Variants in TENM2 observed in about 807,000 individuals in gnomAD.
The protein encoded by TENM2 is teneurin transmembrane protein 2.
A neutral mutation model predicts 245.2 loss-of-function variants in TENM2; 52 were observed. The ratio of observed to expected loss-of-function variants is 0.21; its 90% CI spans 0.17 to 0.27. The LOEUF (loss-of-function observed/expected upper bound fraction) is 0.27. Among genes scored for constraint, TENM2 ranks in the 10% least tolerant of loss-of-function variants. The pLI is 1.00. For missense variants in TENM2, 3,046 were observed against 3,666.8 expected, an observed-to-expected ratio of 0.83 and a Z score of 4.37; for synonymous variants, 1,363 against 1,438.9, an observed-to-expected ratio of 0.95 and a Z score of 1.19.
intron 2 of TENM2, among the ~76,000 whole-genome samples, chr5:167,418,847 C>T (rs1050800605): frequency 3.9e-5 from 6 of 151,942 alleles, no homozygotes; most frequent in East Asian, 1.9e-4. Flanking sequence ...GGTTGAGGTG[C>T]GGGAATTACA....
chr5:167,420,962 C>T (rs192218939), intron 2 of TENM2, among the ~76,000 whole-genome samples: 51 of 152,186 alleles, frequency 3.4e-4, no homozygotes, highest in East Asian at 5.8e-4. Flanking sequence ...ATAGTAAAAA[C>T]GTGGACACAT....
chr5:167,562,329 A>G (rs890970165), intron 2 of TENM2, among the ~76,000 whole-genome samples: 4 of 152,180 alleles, frequency 2.6e-5, no homozygotes, highest in African/African-American at 7.2e-5. Context: ...CCCTAACAAT[A>G]GAGTTTGCAT....
At chr5:167,998,270 G>C (rs1014466597) in intron 5 of TENM2, among the ~76,000 whole-genome samples, 1 of 152,194 alleles carries the variant, frequency 6.6e-6, no homozygotes, top group Non-Finnish European at 1.5e-5. Context: ...CTCAGTTTCT[G>C]ATGCCTTCGT....
intron 13 of TENM2, among the ~76,000 whole-genome samples, chr5:168,171,861 A>AGC (rs1434777307): frequency 6.6e-6 from 1 of 152,228 alleles, no homozygotes; most frequent in Non-Finnish European, 1.5e-5. Flanking sequence ...TGATATTGAT[A>AGC]GCGTTATGTT....
chr5:167,407,803 T>G (rs1762713209), intron 2 of TENM2, among the ~76,000 whole-genome samples: 1 of 152,114 alleles, frequency 6.6e-6, no homozygotes. Context: ...GGCAGCAGAC[T>G]GAGACTCTGT....
the TENM2 span, among the ~76,000 whole-genome samples, chr5:167,039,414 A>G: frequency 6.6e-6 from 1 of 152,020 alleles, no homozygotes; most frequent in Non-Finnish European, 1.5e-5. Flanking sequence ...TCGAAGGCGC[A>G]CTGGCCAGGA....
chr5:167,860,276 C>T (rs1771644821), intron 2 of TENM2, among the ~76,000 whole-genome samples: 1 of 127,920 alleles, frequency 7.8e-6, no homozygotes, highest in Admixed American at 7.2e-5. Context: ...GCCGCCCCGT[C>T]CGGGAGGTGA....
At chr5:167,818,942 G>A (rs554463505) in intron 2 of TENM2, among the ~76,000 whole-genome samples, 1 of 152,214 alleles carries the variant, frequency 6.6e-6, no homozygotes, top group Admixed American at 6.5e-5. Context: ...AGCATTCTGG[G>A]CCTAGGGAAC....
chr5:167,135,580 T>C, the TENM2 span, among the ~76,000 whole-genome samples: 1 of 151,990 alleles, frequency 6.6e-6, no homozygotes, highest in Non-Finnish European at 1.5e-5. Flanking sequence ...ATCGAGACCA[T>C]CCTGGCTAAC....
chr5:167,620,452 G>C (rs1020348123), intron 2 of TENM2, among the ~76,000 whole-genome samples: 27 of 150,684 alleles, frequency 1.8e-4, no homozygotes, highest in Non-Finnish European at 3.8e-4. Context: ...TTTTTAACTT[G>C]TGAATAGGTT....
At chr5:167,637,353 A>T (rs1779269942) in intron 2 of TENM2, among the ~76,000 whole-genome samples, 1 of 152,176 alleles carries the variant, frequency 6.6e-6, no homozygotes, top group African/African-American at 2.4e-5. Context: ...AATTCAAGTA[A>T]GAAAATGCAT....
At position 167,539,620 on chromosome 5, in the gene TENM2, A is replaced by G. The variant is rs56017321; in HGVS notation, c.502+164147A>G. On this transcript the variant is annotated intron_variant, in intron 2 of 28. Transcript: ENST00000518659. ...TTACGGGAAGATGAGACCTAGGTTT[A>G]AAAAGTAGGACTGGTTGATCAAGCA... Among the ~76,000 whole-genome samples, 925 of 152,326 alleles carry G rather than the reference A, an allele frequency of 6.1e-3. 12 individuals carry two copies. The highest frequency in any genetic ancestry group is 0.019 in the African/African-American group (787 of 41,592).
At chr5:168,127,414 T>C (rs146231913) in intron 12 of TENM2, among the ~76,000 whole-genome samples, 1 of 152,300 alleles carries the variant, frequency 6.6e-6, no homozygotes, top group Non-Finnish European at 1.5e-5. Flanking sequence ...GTTCCCTCCG[T>C]AGCAGGTACC....
chr5:167,695,208 A>G (rs1757682237), intron 2 of TENM2, among the ~76,000 whole-genome samples: 1 of 152,186 alleles, frequency 6.6e-6, no homozygotes, highest in Non-Finnish European at 1.5e-5. Flanking sequence ...GGGGTAGGCA[A>G]ACTTTATCTG....
intron 12 of TENM2, among the ~76,000 whole-genome samples, chr5:168,160,308 G>A (rs750166983): frequency 8.5e-5 from 13 of 152,186 alleles, no homozygotes; most frequent in Non-Finnish European, 1.6e-4. Flanking sequence ...TCCACACACC[G>A]TCTCACGGTA....
chr5:167,142,671 C>G, the TENM2 span, among the ~76,000 whole-genome samples: 1 of 152,094 alleles, frequency 6.6e-6, no homozygotes, highest in Non-Finnish European at 1.5e-5. Context: ...CTGCCTCAGC[C>G]TATGGAGTAG....
intron 2 of TENM2, among the ~76,000 whole-genome samples, chr5:167,458,494 C>CAAAAAAAAAAAAAAAA (rs70976430): frequency 1.2e-5 from 1 of 82,012 alleles, no homozygotes; most frequent in Non-Finnish European, 2.3e-5. Context: ...CTCAAAAAAA[C>CAAAAAAAAAAAAAAAA]AAAAAAAAAA....
intron 3 of TENM2, chr5:167,937,667 G>A (rs1485632263): frequency 6.6e-6 from 1 of 152,028 alleles, no homozygotes; most frequent in Non-Finnish European, 1.5e-5. Flanking sequence ...AAAAAGAAAA[G>A]CAAAATTTGC....
At chr5:168,229,612 A>ATGCTT (rs1333726308) in intron 25 of TENM2, 1 of 152,140 alleles carries the variant, frequency 6.6e-6, no homozygotes, top group Non-Finnish European at 1.5e-5. Context: ...AGTTTATCAA[A>ATGCTT]TGCTTTGGAA....
Sources: gnomAD v4.1 joint callset for allele counts (sites outside exome capture counted in the v4.1 genomes callset) on GRCh38, gnomAD v4.1.1 for gene constraint, MANE v1.5 for transcripts, NCBI Gene and HGNC (gene_info 2026-07-23, HGNC 2026-07-21) for gene names.